The following SLC24A3 variants were observed in gnomAD, a reference collection of about 807,000 sequenced individuals.
The protein encoded by SLC24A3 is sodium/potassium/calcium exchanger 3.
A neutral mutation model predicts 75.8 loss-of-function variants in SLC24A3; 28 were observed. The ratio of observed to expected loss-of-function variants is 0.37; its 90% confidence interval spans 0.27 to 0.51. The LOEUF (loss-of-function observed/expected upper bound fraction) is 0.51, where lower values mean the gene tolerates loss of function less well. Among genes scored for constraint, SLC24A3 ranks in the 20% least tolerant of loss-of-function variants. SLC24A3 has a pLI of 0.94. For synonymous variants in SLC24A3, 372 were observed against 334.1 expected (o/e 1.11, Z -1.24); for missense variants, 663 against 847.8 (o/e 0.78, Z 2.71).
chr20:19,451,747 T>C (rs1158924346), intron 2 of SLC24A3, among the ~76,000 whole-genome samples: 1 of 152,218 alleles, frequency 6.6e-6, no homozygotes, highest in African/African-American at 2.4e-5. Flanking sequence ...TGTCTCTTCC[T>C]GGTGTTGTGT....
intron 2 of SLC24A3, among the ~76,000 whole-genome samples, chr20:19,427,596 C>T (rs574922772): frequency 6.6e-6 from 1 of 152,242 alleles, no homozygotes; most frequent in Non-Finnish European, 1.5e-5. Context: ...AAGACGCTCC[C>T]TGTGAAACAA....
chr20:19,322,612 C>T (rs1159944023), intron 2 of SLC24A3, among the ~76,000 whole-genome samples: 2 of 152,142 alleles, frequency 1.3e-5, no homozygotes, highest in African/African-American at 4.8e-5. Context: ...CCTGCATCTA[C>T]TTGTTCTGTG....
chr20:19,516,759 G>A (rs555984246), intron 3 of SLC24A3, among the ~76,000 whole-genome samples: 3 of 152,272 alleles, frequency 2.0e-5, no homozygotes, highest in Middle Eastern at 3.4e-3. Flanking sequence ...GAAGTCCCAC[G>A]GTGTCATTTC....
At chr20:19,506,139 G>C (rs538824602) in intron 2 of SLC24A3, among the ~76,000 whole-genome samples, 14 of 152,332 alleles carry the variant, frequency 9.2e-5, no homozygotes, top group Admixed American at 2.0e-4. Flanking sequence ...GAACTTATGA[G>C]TGGTAAAGGA....
chr20:19,438,028 C>T (rs1294527459), intron 2 of SLC24A3, among the ~76,000 whole-genome samples: 2 of 152,184 alleles, frequency 1.3e-5, no homozygotes, highest in Non-Finnish European at 2.9e-5. Flanking sequence ...ATGGCTTTCC[C>T]TGAAAGGCTC....
intron 12 of SLC24A3, among the ~76,000 whole-genome samples, chr20:19,691,482 G>A (rs1323816267): frequency 6.6e-6 from 1 of 152,170 alleles, no homozygotes; most frequent in Non-Finnish European, 1.5e-5. Flanking sequence ...TTTACTCTAA[G>A]GGCAGTGGAG....
At position 19,601,854 on chromosome 20, in the gene SLC24A3, G is replaced by A. The variant is rs570385386; in HGVS notation, c.612+16310G>A. 9.2e-5 allele frequency among the ~76,000 whole-genome samples: 14 copies of A among 152,302 alleles called. No homozygotes were observed. The South Asian group carries it at 2.9e-3, about 32-fold the overall frequency. The stretch of plus-strand genomic sequence containing the variant: ...ACTAATAATAATTGAAACAGTAATA[G>A]GAGTAGTAGTAGCATTAATTTAAAG... On this transcript the variant is annotated intron_variant, in intron 6 of 16. Coordinates refer to ENST00000328041, the MANE Select transcript of SLC24A3 (RefSeq NM_020689.4).
intron 2 of SLC24A3, among the ~76,000 whole-genome samples, chr20:19,423,775 T>C (rs757541780): frequency 2.0e-5 from 3 of 152,166 alleles, no homozygotes; most frequent in Non-Finnish European, 4.4e-5. Flanking sequence ...GTCCTGACAG[T>C]GCACTCAGGA....
intron 2 of SLC24A3, among the ~76,000 whole-genome samples, chr20:19,442,517 G>C (rs1176783880): frequency 6.6e-6 from 1 of 152,192 alleles, no homozygotes; most frequent in African/African-American, 2.4e-5. Context: ...CTTTGTCAGA[G>C]TGTCTGTTCA....
intron 2 of SLC24A3, among the ~76,000 whole-genome samples, chr20:19,490,946 C>G (rs1374699821): frequency 6.6e-6 from 1 of 152,236 alleles, no homozygotes; most frequent in African/African-American, 2.4e-5. Context: ...ACTTTCTAAT[C>G]TCTCATTGCT....
intron 3 of SLC24A3, among the ~76,000 whole-genome samples, chr20:19,516,004 C>T (rs2029979820): frequency 1.3e-5 from 2 of 152,206 alleles, no homozygotes; most frequent in African/African-American, 4.8e-5. Flanking sequence ...ACGTAAGCCC[C>T]ATGAGAACAG....
At chr20:19,593,521 T>C (rs1010792754) in intron 6 of SLC24A3, among the ~76,000 whole-genome samples, 6 of 152,228 alleles carry the variant, frequency 3.9e-5, no homozygotes, top group African/African-American at 1.4e-4. Flanking sequence ...GTGAACTCAT[T>C]TTGATCCTTT....
chr20:19,226,340 G>C (rs973143805), intron 1 of SLC24A3, among the ~76,000 whole-genome samples: 9 of 152,080 alleles, frequency 5.9e-5, no homozygotes, highest in Non-Finnish European at 1.2e-4. Context: ...GAGGGCTTTT[G>C]TGTCTAGGAT....
At chr20:19,367,275 G>A (rs965724768) in intron 2 of SLC24A3, among the ~76,000 whole-genome samples, 1 of 152,204 alleles carries the variant, frequency 6.6e-6, no homozygotes, top group African/African-American at 2.4e-5. Flanking sequence ...CTGGATAGTG[G>A]TCACAGGAGC....
At chr20:19,671,083 G>A (rs2032460901) in intron 8 of SLC24A3, among the ~76,000 whole-genome samples, 1 of 152,172 alleles carries the variant, frequency 6.6e-6, no homozygotes, top group Non-Finnish European at 1.5e-5. Context: ...ACATAAACAG[G>A]GTCATGTGAG....
intron 3 of SLC24A3, among the ~76,000 whole-genome samples, chr20:19,571,937 A>G (rs2031058513): frequency 6.6e-6 from 1 of 152,212 alleles, no homozygotes; most frequent in Non-Finnish European, 1.5e-5. Context: ...TCTCAGAAGC[A>G]GACCTTGAGA....
intron 2 of SLC24A3, among the ~76,000 whole-genome samples, chr20:19,313,278 G>A (rs181738580): frequency 1.2e-3 from 182 of 152,122 alleles, no homozygotes; most frequent in Non-Finnish European, 2.0e-3. Context: ...CAGGTGATCC[G>A]CCTGCCTCAG....
intron 6 of SLC24A3, among the ~76,000 whole-genome samples, chr20:19,592,832 G>A (rs892167188): frequency 2.7e-4 from 33 of 121,902 alleles, no homozygotes; most frequent in African/African-American, 1.0e-3. Context: ...GTCTCACTGC[G>A]TTGCCCATGC....
At chr20:19,355,354 A>G (rs1030243465) in intron 2 of SLC24A3, among the ~76,000 whole-genome samples, 1 of 152,222 alleles carries the variant, frequency 6.6e-6, no homozygotes, top group African/African-American at 2.4e-5. Flanking sequence ...CCAAAAAATG[A>G]GACAGAAAGA....
Sources: allele counts gnomAD v4.1 joint callset (sites outside exome capture counted in the v4.1 genomes callset), GRCh38; gene constraint gnomAD v4.1.1; transcripts MANE v1.5; gene names NCBI Gene and HGNC (gene_info 2026-07-23, HGNC 2026-07-21).